AFG2A: variants seen among roughly 807,000 people sequenced by gnomAD.
AFG2A encodes the protein AAA ATPase AFG2A, also known as ATPase family gene 2 protein homolog A.
the AFG2A span, among the ~76,000 whole-genome samples, chr4:122,975,914 G>C: frequency 6.6e-6 from 1 of 152,120 alleles, no homozygotes; most frequent in African/African-American, 2.4e-5. Flanking sequence ...TCTTTAGGAA[G>C]CAGGGGATCT....
At chr4:122,993,527 T>G in the AFG2A span, among the ~76,000 whole-genome samples, 318 of 152,234 alleles carry the variant, frequency 2.1e-3, no homozygotes, top group Non-Finnish European at 3.6e-3. Flanking sequence ...GATATTTGTG[T>G]GTAAATCTTT....
chr4:123,246,301 A>G, the AFG2A span, among the ~76,000 whole-genome samples: 1 of 152,282 alleles, frequency 6.6e-6, no homozygotes, highest in Middle Eastern at 3.4e-3. Context: ...GCTATTATTC[A>G]TGTTCTAATT....
chr4:123,262,193 G>A, the AFG2A span, among the ~76,000 whole-genome samples: 1,544 of 152,136 alleles, frequency 0.01, 31 homozygotes, highest in African/African-American at 0.034. Context: ...ACACACACTC[G>A]GTGGGCATTA....
chr4:122,959,156 A>C, the AFG2A span, among the ~76,000 whole-genome samples: 1 of 152,186 alleles, frequency 6.6e-6, no homozygotes, highest in African/African-American at 2.4e-5. Flanking sequence ...AGGGCAACCA[A>C]CTACCCAGTT....
chr4:123,015,849 C>T, the AFG2A span, among the ~76,000 whole-genome samples: 9 of 36,060 alleles, frequency 2.5e-4, no homozygotes, highest in Admixed American at 3.4e-4. Context: ...GGCGGCTGGC[C>T]GGGCGGGGGG....
chr4:123,249,110 C>T, the AFG2A span, among the ~76,000 whole-genome samples: 19 of 152,216 alleles, frequency 1.2e-4, no homozygotes, highest in African/African-American at 4.6e-4. Context: ...ACCTTGTATG[C>T]CAAATTACAA....
the AFG2A span, among the ~76,000 whole-genome samples, chr4:123,117,879 G>T: frequency 6.6e-6 from 1 of 151,404 alleles, no homozygotes; most frequent in African/African-American, 2.4e-5. Context: ...TTAACTAAGG[G>T]ACCAGCCAGG....
chr4:123,229,289 C>A, the AFG2A span, among the ~76,000 whole-genome samples: 1 of 151,928 alleles, frequency 6.6e-6, no homozygotes, highest in Non-Finnish European at 1.5e-5. Context: ...AGTGAATAAT[C>A]TGTTAGCCAG....
the AFG2A span, among the ~76,000 whole-genome samples, chr4:123,246,401 C>G: frequency 1.3e-5 from 2 of 152,172 alleles, no homozygotes; most frequent in Admixed American, 1.3e-4. Flanking sequence ...CATTTACTTT[C>G]TTCAACAGAA....
chr4:123,211,236 G>A, the AFG2A span, among the ~76,000 whole-genome samples: 13 of 152,098 alleles, frequency 8.5e-5, no homozygotes, highest in Admixed American at 7.2e-4. Flanking sequence ...GTAAAAGTTT[G>A]TTTGCATTTT....
chr4:123,065,160 T>C, the AFG2A span, among the ~76,000 whole-genome samples: 7 of 152,094 alleles, frequency 4.6e-5, no homozygotes, highest in Admixed American at 3.3e-4. Context: ...TATCTTGCAT[T>C]TTCTCTGTGA....
the AFG2A span, among the ~76,000 whole-genome samples, chr4:123,257,788 G>A: frequency 8.5e-5 from 13 of 152,174 alleles, no homozygotes; most frequent in Admixed American, 1.3e-4. Flanking sequence ...CACTTGAGCC[G>A]AGTAAACTAG....
At chr4:122,927,818 A>G in the AFG2A span, 2 of 1,588,694 alleles carry the variant, frequency 1.3e-6, no homozygotes, top group East Asian at 4.5e-5. Flanking sequence ...CAAATCCAAG[A>G]ATCTAAACTC....
At chr4:123,080,039 G>A in the AFG2A span, among the ~76,000 whole-genome samples, 1 of 151,982 alleles carries the variant, frequency 6.6e-6, no homozygotes, top group Non-Finnish European at 1.5e-5. Flanking sequence ...ATGAGCCACC[G>A]CACCTGGCCA....
chr4:122,998,479 A>C, the AFG2A span, among the ~76,000 whole-genome samples: 1 of 150,716 alleles, frequency 6.6e-6, no homozygotes, highest in Non-Finnish European at 1.5e-5. Flanking sequence ...ACCCCACAAC[A>C]GTCCCCAGAG....
chr4:123,263,145 A>G, the AFG2A span, among the ~76,000 whole-genome samples: 31 of 152,272 alleles, frequency 2.0e-4, no homozygotes, highest in Admixed American at 1.8e-3. Context: ...AAATGTGATC[A>G]CTGTTGTGGT....
At chr4:123,085,398 G>A in the AFG2A span, among the ~76,000 whole-genome samples, 6 of 152,116 alleles carry the variant, frequency 3.9e-5, no homozygotes, top group East Asian at 1.9e-4. Flanking sequence ...ATGCATACAC[G>A]TTAAGGATTG....
At chr4:122,966,394 G>A in the AFG2A span, among the ~76,000 whole-genome samples, 9 of 152,192 alleles carry the variant, frequency 5.9e-5, no homozygotes, top group East Asian at 7.7e-4. Context: ...ATTTAAACAT[G>A]TTCTTTCATA....
the AFG2A span, among the ~76,000 whole-genome samples, chr4:123,180,443 TA>T: frequency 6.6e-6 from 1 of 152,224 alleles, no homozygotes; most frequent in South Asian, 2.1e-4. Context: ...TACTGATATC[TA>T]AATCCCTGAT....
Sources: gnomAD v4.1 joint callset for allele counts (sites outside exome capture counted in the v4.1 genomes callset) on GRCh38, gnomAD v4.1.1 for gene constraint, MANE v1.5 for transcripts, NCBI Gene and HGNC (gene_info 2026-07-23, HGNC 2026-07-21) for gene names.